Variants in CFAP65 observed in about 807,000 individuals in gnomAD.
CFAP65 encodes the protein cilia and flagella associated protein 65, also known as cilia- and flagella-associated protein 65.
Under a neutral mutation model 208.0 loss-of-function variants are expected in CFAP65, and 155 were observed. The ratio of observed to expected loss-of-function variants is 0.75; its 90% CI spans 0.65 to 0.85. CFAP65 has a LOEUF of 0.85. CFAP65 is among the 40% of genes least tolerant of loss of function. The pLI, the probability that CFAP65 is intolerant of heterozygous loss-of-function variation, is 0.00. For missense variants in CFAP65, 2,294 were observed against 2,451.3 expected (o/e 0.94, Z 1.36); for synonymous variants, 970 against 986.3 (o/e 0.98, Z 0.31).
intron 29 of CFAP65, among the ~76,000 whole-genome samples, chr2:219,007,544 G>C (rs1423253117): frequency 6.6e-6 from 1 of 152,166 alleles, no homozygotes; most frequent in Non-Finnish European, 1.5e-5. Flanking sequence ...GTCTCTGGGG[G>C]TTCAGTGTGG....
At position 219,004,887 on chromosome 2, in the gene CFAP65, C is replaced by T. The variant is rs112399809; in HGVS notation, c.5052-432G>A. Reference sequence around the variant, plus strand: ...GAAGTTCTGTTTCTTTTTTTCTTTTCTCTCTCTCTCTATTTCTCTCTTTCT... The same window carrying T: ...GAAGTTCTGTTTCTTTTTTTCTTTTTTCTCTCTCTCTATTTCTCTCTTTCT... On this transcript the variant is annotated intron_variant, in intron 32 of 34. Transcript: ENST00000341552. The surrounding 1 kb of genome is among the most constrained non-coding windows in gnomAD (Gnocchi z 4.7). Among the ~76,000 whole-genome samples, 47 of 126,320 alleles carry T rather than the reference C, an allele frequency of 3.7e-4. No homozygotes were observed. The highest frequency in any genetic ancestry group is 3.2e-3 in the Admixed American group (44 of 13,918). 82.9% of individuals were successfully genotyped at this position (126,320 alleles called of 152,430 possible).
chr2:219,024,617 G>A (rs1947510515), intron 14 of CFAP65, among the ~76,000 whole-genome samples: 1 of 152,170 alleles, frequency 6.6e-6, no homozygotes, highest in Non-Finnish European at 1.5e-5. Flanking sequence ...AGAGAGCCTG[G>A]TCCAGAAGCT....
chr2:219,006,037 AG>A lies in CFAP65; in HGVS notation c.4905del (p.Cys1636AlafsTer47). On this transcript the variant is annotated frameshift_variant, in exon 31 of 35. Coordinates refer to ENST00000341552, the MANE Select transcript of CFAP65 (RefSeq NM_194302.4). LOFTEE classifies it high-confidence loss of function. ...AGAGCTTACCGGTGCAAAAAGTGGCAGGGAAACTCTGAGAAGAAGTTAGCCA... is the reference window on the plus strand; with the variant it reads ...AGAGCTTACCGGTGCAAAAAGTGGCAGGAAACTCTGAGAAGAAGTTAGCCA... ...YFLANFFSEFPCHFLHRELPK... is the reference protein window; with the variant it reads ...YFLANFFSEFXCHFLHRELPK... The A allele has an allele frequency of 6.2e-7, 1 of 1,613,328 alleles. No homozygotes were observed. The highest frequency in any genetic ancestry group is 8.5e-7 in the Non-Finnish European group (1 of 1,180,024).
intron 21 of CFAP65, among the ~76,000 whole-genome samples, chr2:219,016,289 C>CTCTT (rs1553524683): frequency 1.2e-4 from 10 of 85,572 alleles, no homozygotes; most frequent in African/African-American, 5.9e-4. Flanking sequence ...AGTCTCCCTC[C>CTCTT]TTTTTTTTTT....
At position 219,014,053 on chromosome 2, in the gene CFAP65, G is replaced by A. The variant is rs758935901; in HGVS notation, c.3603-9C>T. On this transcript the variant is annotated splice_polypyrimidine_tract_variant and intron_variant, in intron 21 of 34. Transcript: ENST00000341552. ...TTGGAAGGAGGAAGGCCCTGGGAGA[G>A]GGGTGCAAAGCCATACAAAGAAACT... The A allele has an allele frequency of 3.7e-5, 60 of 1,603,516 alleles. No homozygotes were observed. Among genetic ancestry groups the A allele is most frequent in the Non-Finnish European group, 4.9e-5 (58 of 1,174,028 alleles).
At chr2:219,038,851 C>G (rs1204100103) in intron 3 of CFAP65, 45 bp downstream of exon 3, 1 of 1,564,038 alleles carries the variant, frequency 6.4e-7, no homozygotes. Context: ...ACACTTGGCA[C>G]TGCTCAGCAA....
At chr2:219,024,591 T>C (rs1454555489) in intron 14 of CFAP65, among the ~76,000 whole-genome samples, 2 of 152,122 alleles carry the variant, frequency 1.3e-5, no homozygotes, top group South Asian at 2.1e-4. Context: ...CATCACTCTT[T>C]GGAGAACTCA....
Position 219,021,783 on chromosome 2 carries a change from G to A in CFAP65, c.3127C>T (p.Leu1043Phe), listed in dbSNP as rs765726838. The A allele has an allele frequency of 1.2e-6, 2 of 1,613,436 alleles. No homozygotes were observed. The highest frequency in any genetic ancestry group is 3.3e-5 in the Admixed American group (2 of 60,008). The change falls in exon 18 of 35, where the codon CTC becomes TTC. Residue 1043 changes from leucine to phenylalanine, a missense_variant. Coordinates refer to ENST00000341552, the MANE Select transcript of CFAP65 (RefSeq NM_194302.4). ...GTCCCAGCTCAGGCCCAAGTACCGA[G>A]GGGGTGGTTGTCAACGGCCTCAGGG... ...GSPEAVDNHP[L>F]ALQLDRTEGS...
At chr2:219,020,226 T>C (rs1355943880) in intron 19 of CFAP65, among the ~76,000 whole-genome samples, 2 of 152,204 alleles carry the variant, frequency 1.3e-5, no homozygotes, top group African/African-American at 4.8e-5. Context: ...ACATTTCATA[T>C]AAATGAAATT....
chr2:219,010,002 G>A lies in CFAP65; in HGVS notation c.4392C>T (p.Asn1464=). Residue 1464 remains asparagine, a synonymous_variant, in exon 27 of 35, where the codon AAC becomes AAT. Coordinates refer to ENST00000341552, the MANE Select transcript of CFAP65 (RefSeq NM_194302.4). ...AGGCAATTTCCTCGTTCTTGGAGAT[G>A]TTGTTGAGGAAGAGCAGGCGGCTGC... ...SKCSRLLFLN[N]ISKNEEIAFS... 1 of 1,613,004 alleles carries A rather than the reference G, an allele frequency of 6.2e-7. No homozygotes were observed. Among genetic ancestry groups the A allele is most frequent in the Non-Finnish European group, 8.5e-7 (1 of 1,179,674 alleles).
rs543713886 is a variant in CFAP65 at position 219,040,426 on chromosome 2, A to G, written c.-3+93T>C. On this transcript the variant is annotated intron_variant, in intron 2 of 34. Coordinates refer to ENST00000341552, the MANE Select transcript of CFAP65 (RefSeq NM_194302.4). ...ATGTCTAAACCCTCTGGAGGGGACT[A>G]TCTAGATTCAGTCGTTCGTTCATTC... The G allele has an allele frequency of 6.5e-6, 5 of 765,416 alleles. No homozygotes were observed. The African/African-American group carries it at 6.9e-5, about 11-fold the overall frequency. The allele number at this position is 765,416 out of a possible 1,614,324, so 47.4% of individuals were successfully genotyped here.
chr2:219,003,269 G>A lies in CFAP65; in HGVS notation c.5559C>T (p.Leu1853=). ...CCTCCTGCAGGTTGGCGAAGGCCGG[G>A]AGCCTGCGAGGGGGCGGGGGCTAGC... ...EQDEKEAIRR[L]PAFANLQEAL... The change falls in exon 34 of 35, where the codon CTC becomes CTT. Residue 1853 remains leucine (L), a synonymous_variant. Transcript: ENST00000341552. This position sits in a 1 kb window ranked among gnomAD's most constrained non-coding sequence, Gnocchi z 4.4. 6.5e-7 allele frequency: 1 copy of A among 1,535,688 alleles called. No homozygotes were observed. Among genetic ancestry groups the A allele is most frequent in the Non-Finnish European group, 8.8e-7 (1 of 1,139,850 alleles).
At position 219,004,338 on chromosome 2, in the gene CFAP65, G is replaced by C; in HGVS notation, c.5169C>G (p.Asn1723Lys). The C allele has an allele frequency of 6.2e-7, 1 of 1,614,136 alleles. No individual in the cohort carries two copies. Among genetic ancestry groups the C allele is most frequent in the Admixed American group, 1.7e-5 (1 of 60,024 alleles). ...EQSTKFMDQKNSLYLMPILPV... is the reference protein window; with the variant it reads ...EQSTKFMDQKKSLYLMPILPV... Reference sequence around the variant, plus strand: ...GCAGGATTGGCATTAAGTACAGGCTGTTTTTCTGGTCCATGAACTTAGTTG... The same window carrying C: ...GCAGGATTGGCATTAAGTACAGGCTCTTTTTCTGGTCCATGAACTTAGTTG... The change falls in exon 33 of 35, where the codon AAC (asparagine) becomes AAG (lysine). Residue 1723 changes from asparagine (N) to lysine (K), a missense_variant. Physicochemically the swap from Asn to Lys is moderately conservative, Grantham distance 94. Coordinates refer to ENST00000341552, the MANE Select transcript of CFAP65 (RefSeq NM_194302.4). The surrounding 1 kb of genome is among the most constrained non-coding windows in gnomAD (Gnocchi z 4.7).
intron 1 of CFAP65, 159 bp downstream of exon 1, chr2:219,041,329 C>T: frequency 1.5e-6 from 1 of 660,904 alleles, no homozygotes; most frequent in Non-Finnish European, 2.7e-6. Context: ...TGATTGATCT[C>T]GCCCAAGACT....
Position 219,009,419 on chromosome 2 carries a change from C to G in CFAP65, c.4494G>C (p.Glu1498Asp), listed in dbSNP as rs370399136. The G allele has an allele frequency of 1.8e-5, 29 of 1,612,610 alleles. No individual in the cohort carries two copies. Among genetic ancestry groups the G allele is most frequent in the African/African-American group, 1.6e-4 (12 of 74,906 alleles). Residue 1498 changes from glutamate to aspartate, a missense_variant, in exon 28 of 35, where the codon GAG (glutamate) becomes GAC (aspartate). Transcript: ENST00000341552. ...SPMIGVVAPE[E>D]TVPFVVTLRA... ...TCAAGGTCACCACAAATGGGACCGT[C>G]TCTTCAGGAGCCACCACCCCTATCA...
At chr2:219,022,727 G>A (rs922329549) in intron 16 of CFAP65, among the ~76,000 whole-genome samples, 2 of 152,186 alleles carry the variant, frequency 1.3e-5, no homozygotes, top group East Asian at 1.9e-4. Context: ...CTTGTCCCAA[G>A]TTTGGCCTCC....
At chr2:219,039,207 C>T in intron 2 of CFAP65, 157 bp from the exon 3 acceptor site, 2 of 559,566 alleles carry the variant, frequency 3.6e-6, no homozygotes. Context: ...GCATACATGT[C>T]TGTTTTCCAG....
chr2:219,041,404 G>A (rs1243655508), intron 1 of CFAP65, 84 bp downstream of exon 1: 8 of 1,439,538 alleles, frequency 5.6e-6, no homozygotes, highest in Non-Finnish European at 6.7e-6. Flanking sequence ...CGAAGGATAG[G>A]GTCTCCCGGG....
intron 1 of CFAP65, among the ~76,000 whole-genome samples, chr2:219,041,076 G>A (rs1429698538): frequency 6.6e-6 from 1 of 152,198 alleles, no homozygotes; most frequent in Non-Finnish European, 1.5e-5. Context: ...GGGCAAGCGA[G>A]GTTTTTTGTT....
Sources: gnomAD v4.1 joint callset for allele counts (sites outside exome capture counted in the v4.1 genomes callset) on GRCh38, gnomAD v4.1.1 for gene constraint, Gnocchi (gnomAD v3.1) non-coding constraint, MANE v1.5 for transcripts, NCBI Gene and HGNC (gene_info 2026-07-23, HGNC 2026-07-21) for gene names.